Variants in ADAMTSL1 observed in about 807,000 individuals in gnomAD.
ADAMTSL1 encodes the protein ADAMTS like 1.
In ADAMTSL1, 126 loss-of-function variants were observed where a neutral mutation model predicts 201.8. That is an observed-to-expected ratio of 0.62 (90% CI 0.54 to 0.72). The LOEUF (loss-of-function observed/expected upper bound fraction) is 0.72, where lower values mean the gene tolerates loss of function less well. Among genes scored for constraint, ADAMTSL1 ranks in the 30% least tolerant of loss-of-function variants. ADAMTSL1 has a pLI of 0.00. For missense variants in ADAMTSL1, 2,679 were observed against 2,277.8 expected (o/e 1.18, Z -3.59); for synonymous variants, 1,121 against 903.4 (o/e 1.24, Z -4.32).
intron 23 of ADAMTSL1, among the ~76,000 whole-genome samples, chr9:18,870,678 C>T (rs1307066600): frequency 6.6e-6 from 1 of 151,884 alleles, no homozygotes; most frequent in African/African-American, 2.4e-5. Flanking sequence ...CAAAAAAAAA[C>T]ACAAGCTGGT....
At chr9:17,936,627 C>G (rs1442422958) in intron 1 of ADAMTSL1, among the ~76,000 whole-genome samples, 4 of 152,180 alleles carry the variant, frequency 2.6e-5, no homozygotes, top group African/African-American at 9.6e-5. Context: ...TGGTCTCTCC[C>G]TTTTCCTACC....
At chr9:18,503,414 C>T (rs186717430) in intron 1 of ADAMTSL1, among the ~76,000 whole-genome samples, 1,003 of 66,778 alleles carry the variant, frequency 0.015, 22 homozygotes, top group African/African-American at 0.047. Flanking sequence ...GAATAGTATT[C>T]CATTGTGTAT....
chr9:18,023,524 A>AT (rs1173397488), intron 1 of ADAMTSL1, among the ~76,000 whole-genome samples: 1 of 152,160 alleles, frequency 6.6e-6, no homozygotes, highest in African/African-American at 2.4e-5. Context: ...ATTGCTTTTA[A>AT]TCTTCAGGAA....
At chr9:18,525,043 A>C (rs918173798) in intron 2 of ADAMTSL1, among the ~76,000 whole-genome samples, 5 of 152,334 alleles carry the variant, frequency 3.3e-5, no homozygotes, top group African/African-American at 1.2e-4. Context: ...TACATCCAGT[A>C]GAATTCGGCT....
chr9:18,412,619 G>A (rs746451929), intron 2 of ADAMTSL1, among the ~76,000 whole-genome samples: 34 of 152,156 alleles, frequency 2.2e-4, no homozygotes, highest in Non-Finnish European at 4.9e-4. Context: ...TGAGGTGGTT[G>A]TGGTTTTGCG....
chr9:18,022,274 T>C (rs758093960), intron 1 of ADAMTSL1, among the ~76,000 whole-genome samples: 4 of 152,130 alleles, frequency 2.6e-5, no homozygotes, highest in Non-Finnish European at 5.9e-5. Context: ...AGGGAAGTCA[T>C]AGATACCTGA....
At chr9:17,953,789 T>C (rs556528377) in intron 1 of ADAMTSL1, among the ~76,000 whole-genome samples, 3 of 152,194 alleles carry the variant, frequency 2.0e-5, no homozygotes, top group East Asian at 3.9e-4. Context: ...CCCCAAAGCT[T>C]AGTGGTTTAA....
At chr9:18,182,930 G>A (rs1026913102) in intron 2 of ADAMTSL1, among the ~76,000 whole-genome samples, 4 of 152,154 alleles carry the variant, frequency 2.6e-5, no homozygotes, top group Admixed American at 2.6e-4. Flanking sequence ...GGAAACTGAA[G>A]CTGAACCAGC....
In ADAMTSL1 at chr9:18,389,074, A is replaced by G. The variant is rs536710541; in HGVS notation, c.208-115755A>G. Reference sequence around the variant, plus strand: ...CCAGTCCTAATAGCATTGAATTTTAACACCTATATTTGACTTCAATAAATT... The same window carrying G: ...CCAGTCCTAATAGCATTGAATTTTAGCACCTATATTTGACTTCAATAAATT... On this transcript the variant is annotated intron_variant, in intron 2 of 29. Transcript: ENST00000680146. Among the ~76,000 whole-genome samples the G allele has an allele frequency of 3.3e-5, 5 of 152,218 alleles. No homozygotes were observed. In the East Asian group the frequency reaches 9.7e-4, roughly 29 times the overall value.
chr9:18,492,428 G>A (rs1479429388), intron 1 of ADAMTSL1, among the ~76,000 whole-genome samples: 1 of 152,136 alleles, frequency 6.6e-6, no homozygotes, highest in Non-Finnish European at 1.5e-5. Context: ...TTATTCAGAA[G>A]TCACTTTAGG....
intron 2 of ADAMTSL1, among the ~76,000 whole-genome samples, chr9:18,334,284 C>G (rs1423648847): frequency 6.6e-6 from 1 of 152,088 alleles, no homozygotes; most frequent in Non-Finnish European, 1.5e-5. Flanking sequence ...TGATTAGGCT[C>G]TATGTAAGCT....
At chr9:18,694,204 G>A (rs954832487) in intron 13 of ADAMTSL1, among the ~76,000 whole-genome samples, 2 of 152,014 alleles carry the variant, frequency 1.3e-5, no homozygotes, top group African/African-American at 4.8e-5. Flanking sequence ...CCAACACTGG[G>A]GATTATAATT....
chr9:18,173,796 T>C (rs1405694414), intron 2 of ADAMTSL1, among the ~76,000 whole-genome samples: 1 of 152,304 alleles, frequency 6.6e-6, no homozygotes, highest in African/African-American at 2.4e-5. Flanking sequence ...GTGTGAATTT[T>C]ATTACTCTTT....
Position 18,504,901 on chromosome 9 carries a change from T to C in ADAMTSL1, c.136T>C (p.Ser46Pro), listed in dbSNP as rs1823039798. The change falls in exon 2 of 29, where the codon TCA (serine) becomes CCA (proline). Residue 46 changes from serine (S) to proline (P), a missense_variant. Transcript: ENST00000380548. ...TGCCTGGGGCCCATGGAGTGAATGC[T>C]CACGCACCTGCGGGGGTGGGGCCTC... ...WDAWGPWSEC[S>P]RTCGGGASYS... The C allele has an allele frequency of 6.2e-7, 1 of 1,613,070 alleles. No individual in the cohort carries two copies. The highest frequency in any genetic ancestry group is 8.5e-7 in the Non-Finnish European group (1 of 1,179,748).
intron 4 of ADAMTSL1, among the ~76,000 whole-genome samples, chr9:18,596,164 A>G (rs186295180): frequency 4.5e-4 from 68 of 152,338 alleles, no homozygotes; most frequent in African/African-American, 1.5e-3. Flanking sequence ...GGTTCAATCA[A>G]TTTTTAAAAA....
At chr9:18,900,497 A>G (rs933744895) in intron 26 of ADAMTSL1, among the ~76,000 whole-genome samples, 2 of 152,184 alleles carry the variant, frequency 1.3e-5, no homozygotes, top group Non-Finnish European at 2.9e-5. Flanking sequence ...CTGCAGCACT[A>G]CTCACAATAG....
rs926489401 is a variant in ADAMTSL1 at position 18,331,417 on chromosome 9, T to C, written c.207+167436T>C. 3.9e-5 allele frequency among the ~76,000 whole-genome samples: 6 copies of C among 152,332 alleles called. No individual in the cohort carries two copies. In the East Asian group the frequency reaches 1.2e-3, roughly 29 times the overall value. The stretch of plus-strand genomic sequence containing the variant: ...GTTTTTAAGATACCACACATCAAAT[T>C]GTGCCTCCCTCCTGGATATACTGCA... On this transcript the variant is annotated intron_variant, in intron 2 of 29. Transcript: ENST00000680146.
intron 2 of ADAMTSL1, among the ~76,000 whole-genome samples, chr9:18,375,244 T>C (rs1837235560): frequency 1.3e-5 from 2 of 152,246 alleles, no homozygotes; most frequent in Admixed American, 6.5e-5. Flanking sequence ...CTAAGGCTGT[T>C]ACATTAGAGG....
At chr9:18,280,275 G>T (rs935062683) in intron 2 of ADAMTSL1, among the ~76,000 whole-genome samples, 1 of 152,080 alleles carries the variant, frequency 6.6e-6, no homozygotes, top group Non-Finnish European at 1.5e-5. Context: ...GCAGGGGCTT[G>T]CTTGGCCTTG....
Sources: gnomAD v4.1 joint callset for allele counts (sites outside exome capture counted in the v4.1 genomes callset) on GRCh38, gnomAD v4.1.1 for gene constraint, MANE v1.5 for transcripts, NCBI Gene and HGNC (gene_info 2026-07-23, HGNC 2026-07-21) for gene names.